Variants in SH2D4B observed in about 807,000 individuals in gnomAD.
SH2D4B encodes SH2 domain-containing protein 4B.
A neutral mutation model predicts 61.5 loss-of-function variants in SH2D4B; 45 were observed. The observed-to-expected ratio is 0.73, with a 90% CI of 0.58 to 0.94. SH2D4B has a LOEUF of 0.94. Ranked by LOEUF, SH2D4B falls within the 40% of genes least tolerant of loss-of-function variation. The pLI, the probability that SH2D4B is intolerant of heterozygous loss-of-function variation, is 0.00. For missense variants in SH2D4B, 572 were observed against 574.2 expected (o/e 1.00, Z 0.04); for synonymous variants, 224 against 220.4 (o/e 1.02, Z -0.14).
chr10:80,582,492 A>G (rs1283372257), intron 3 of SH2D4B, among the ~76,000 whole-genome samples: 1 of 152,170 alleles, frequency 6.6e-6, no homozygotes, highest in African/African-American at 2.4e-5. Context: ...CCCTTCTGGA[A>G]CCAGGACCCC....
rs1359513958 is a variant in SH2D4B at position 80,644,836 on chromosome 10, TC to T, written c.*752del. 1 of 152,236 alleles carries T rather than the reference TC, an allele frequency of 6.6e-6. No individual in the cohort carries two copies. Among genetic ancestry groups the T allele is most frequent in the African/African-American group, 2.4e-5 (1 of 41,452 alleles). The allele number at this position is 152,236 out of a possible 1,614,324, so 9.4% of individuals were successfully genotyped here. Reference sequence around the variant, plus strand: ...GGTGAGTTATCAATGCAAGAATGGTTCTTAGAAATCTGATGAGGCCTCTGCT... The same window carrying T: ...GGTGAGTTATCAATGCAAGAATGGTTTTAGAAATCTGATGAGGCCTCTGCT... On this transcript the variant is annotated 3_prime_UTR_variant, in exon 8 of 8. Coordinates refer to ENST00000646907, the MANE Select transcript of SH2D4B (RefSeq NM_001388272.1).
At chr10:80,555,474 T>G (rs1200374006) in intron 1 of SH2D4B, among the ~76,000 whole-genome samples, 1 of 152,214 alleles carries the variant, frequency 6.6e-6, no homozygotes, top group Admixed American at 6.5e-5. Flanking sequence ...TGAATCCATG[T>G]GGCCTTCCAT....
intron 3 of SH2D4B, among the ~76,000 whole-genome samples, chr10:80,578,529 G>C (rs564834876): frequency 6.6e-6 from 1 of 152,108 alleles, no homozygotes; most frequent in Non-Finnish European, 1.5e-5. Flanking sequence ...GCAAGCACAA[G>C]AGATGGAAAG....
chr10:80,605,796 G>A (rs1310920593), intron 5 of SH2D4B, among the ~76,000 whole-genome samples: 2 of 152,186 alleles, frequency 1.3e-5, no homozygotes, highest in African/African-American at 4.8e-5. Flanking sequence ...TGGGATTACA[G>A]GTGTGAGCCA....
At chr10:80,558,839 T>G (rs1365695055) in intron 1 of SH2D4B, among the ~76,000 whole-genome samples, 1 of 152,158 alleles carries the variant, frequency 6.6e-6, no homozygotes, top group African/African-American at 2.4e-5. Flanking sequence ...AATTTAATAG[T>G]TTTTAGTATG....
chr10:80,580,679 A>G (rs759456738), intron 3 of SH2D4B, among the ~76,000 whole-genome samples: 5 of 152,162 alleles, frequency 3.3e-5, no homozygotes, highest in Middle Eastern at 3.2e-3. Flanking sequence ...TAGGGGGCCT[A>G]GGATTTTAAA....
intron 1 of SH2D4B, among the ~76,000 whole-genome samples, chr10:80,543,519 G>A (rs531396487): frequency 1.4e-4 from 22 of 152,284 alleles, no homozygotes; most frequent in Admixed American, 4.6e-4. Context: ...CTCCTGTGCC[G>A]CCCAAGCTTC....
chr10:80,587,105 C>G (rs1842263540), intron 3 of SH2D4B, among the ~76,000 whole-genome samples: 1 of 148,412 alleles, frequency 6.7e-6, no homozygotes. Flanking sequence ...GTCAGTGAGA[C>G]CAAGAACCCA....
chr10:80,563,114 G>A (rs535368748), intron 1 of SH2D4B, among the ~76,000 whole-genome samples: 1 of 151,602 alleles, frequency 6.6e-6, no homozygotes, highest in East Asian at 1.9e-4. Flanking sequence ...TTTTAGCCGG[G>A]ATGGTCTCGA....
At chr10:80,609,390 AC>A in intron 5 of SH2D4B, 33 bp from the exon 6 acceptor site, 1 of 1,577,100 alleles carries the variant, frequency 6.3e-7, no homozygotes, top group South Asian at 1.1e-5. Context: ...TCCCTCCCTG[AC>A]TCTTCTGCCC....
rs577179576 is a variant in SH2D4B, at chr10:80,546,046, C to CTT, written c.184+7547_184+7548dup. On this transcript the variant is annotated intron_variant, in intron 1 of 7. Coordinates refer to ENST00000646907, the MANE Select transcript of SH2D4B (RefSeq NM_001388272.1). ...TCTCTTTCTTTCTTTCTCTCTCTTTCTTTTTTTTTTTTTTTTTAGACAAGG... is the reference window on the plus strand; with the variant it reads ...TCTCTTTCTTTCTTTCTCTCTCTTTCTTTTTTTTTTTTTTTTTTTAGACAAGG... Among the ~76,000 whole-genome samples, 110 of 130,370 alleles carry CTT rather than the reference C, an allele frequency of 8.4e-4. 1 individual carries two copies. Among genetic ancestry groups the CTT allele is most frequent in the East Asian group, 2.7e-3 (12 of 4,436 alleles). The allele number at this position is 130,370 out of a possible 152,430, so 85.5% of individuals were successfully genotyped here. A position where few individuals can be genotyped will look rare whatever the true frequency, so the allele number is the denominator to read the frequency against.
At chr10:80,611,628 G>A (rs1467830841) in intron 6 of SH2D4B, among the ~76,000 whole-genome samples, 2 of 152,210 alleles carry the variant, frequency 1.3e-5, no homozygotes, top group Non-Finnish European at 2.9e-5. Context: ...TCATGGAAGT[G>A]CAGCACTGGC....
chr10:80,552,587 TC>T (rs1397341345), intron 1 of SH2D4B, among the ~76,000 whole-genome samples: 2 of 152,154 alleles, frequency 1.3e-5, no homozygotes, highest in African/African-American at 4.8e-5. Flanking sequence ...ATCTCGGCAC[TC>T]CCTGTAACCC....
intron 1 of SH2D4B, among the ~76,000 whole-genome samples, chr10:80,541,771 A>G (rs1185621802): frequency 6.6e-6 from 1 of 152,182 alleles, no homozygotes; most frequent in Admixed American, 6.5e-5. Flanking sequence ...GGTGATGTGA[A>G]TCATTCTCGT....
chr10:80,572,984 A>ATTT (rs1283153702), intron 3 of SH2D4B, among the ~76,000 whole-genome samples: 3 of 8,290 alleles, frequency 3.6e-4, no homozygotes, highest in African/African-American at 4.5e-4. Flanking sequence ...ATATATATAT[A>ATTT]TATTTTTTTT....
At chr10:80,627,290 C>G (rs985255500) in intron 6 of SH2D4B, among the ~76,000 whole-genome samples, 1 of 152,180 alleles carries the variant, frequency 6.6e-6, no homozygotes, top group Non-Finnish European at 1.5e-5. Context: ...TTATATCTTT[C>G]TTCTGTATAG....
chr10:80,639,979 C>A (rs1157059442), intron 7 of SH2D4B, among the ~76,000 whole-genome samples: 1 of 152,146 alleles, frequency 6.6e-6, no homozygotes, highest in Non-Finnish European at 1.5e-5. Context: ...TTAGGGCAGG[C>A]CTGGTGGTGA....
At chr10:80,577,146 C>T (rs1315285342) in intron 3 of SH2D4B, among the ~76,000 whole-genome samples, 2 of 152,216 alleles carry the variant, frequency 1.3e-5, no homozygotes, top group Non-Finnish European at 2.9e-5. Context: ...TTTTTGGAAG[C>T]TGTCCTATAA....
intron 7 of SH2D4B, among the ~76,000 whole-genome samples, chr10:80,640,474 G>A (rs1032103864): frequency 2.6e-5 from 4 of 152,080 alleles, no homozygotes; most frequent in Non-Finnish European, 5.9e-5. Context: ...TTTCTTGGAG[G>A]CTTTGTTCGG....
Sources: allele counts gnomAD v4.1 joint callset (sites outside exome capture counted in the v4.1 genomes callset), GRCh38; gene constraint gnomAD v4.1.1; transcripts MANE v1.5; gene names NCBI Gene and HGNC (gene_info 2026-07-23, HGNC 2026-07-21).